Variants in DST observed in about 807,000 individuals in gnomAD.
The protein encoded by DST is dystonin.
Under a neutral mutation model 875.2 loss-of-function variants are expected in DST, and 253 were observed. The ratio of observed to expected loss-of-function variants is 0.29; its 90% confidence interval spans 0.26 to 0.32. The LOEUF is 0.32. Ranked by LOEUF, DST falls within the 10% of genes least tolerant of loss-of-function variation. The probability of loss-of-function intolerance (pLI) is 1.00; values close to 1 mark genes in which losing one functional copy is unlikely to be tolerated. For missense variants in DST, 8,287 were observed against 9,111.6 expected (o/e 0.91, Z 3.68); for synonymous variants, 3,124 against 3,197.1 (o/e 0.98, Z 0.77).
chr6:56,619,710 C>G, intron 36 of DST: 1 of 1,614,052 alleles, frequency 6.2e-7, no homozygotes, highest in Non-Finnish European at 8.5e-7. Context: ...AATTGCCTAC[C>G]AAGCTCTCTG....
intron 72 of DST, among the ~76,000 whole-genome samples, chr6:56,512,417 C>T (rs1583576011): frequency 1.3e-5 from 2 of 152,188 alleles, no homozygotes; most frequent in South Asian, 4.1e-4. Flanking sequence ...GGAAGATCTG[C>T]CTTTGCTTGC....
At chr6:56,953,878 T>C (rs775912555) in intron 1 of DST, 59 bp from the exon 2 acceptor site, 41 of 1,215,678 alleles carry the variant, frequency 3.4e-5, no homozygotes, top group Non-Finnish European at 4.4e-5. Context: ...ACCTACCGAG[T>C]GACTCATGAC....
intron 4 of DST, among the ~76,000 whole-genome samples, chr6:56,794,807 C>T (rs796772205): frequency 1.2e-4 from 18 of 152,236 alleles, no homozygotes; most frequent in African/African-American, 4.1e-4. Context: ...CCATCTTCTG[C>T]CAAATCAGCT....
In DST at chr6:56,693,518, T is replaced by C. The variant is rs75014700; in HGVS notation, c.1047+6135A>G. Reference sequence around the variant, plus strand: ...AACCTTCGGTTTTCTGAAATGCAGATACACTAATGAAGTTTGCACTTAACC... The same window carrying C: ...AACCTTCGGTTTTCTGAAATGCAGACACACTAATGAAGTTTGCACTTAACC... On this transcript the variant is annotated intron_variant, in intron 9 of 103. Coordinates refer to ENST00000680361, the MANE Select transcript of DST (RefSeq NM_001374736.1). 2,718 of 513,488 alleles carry C rather than the reference T, an allele frequency of 5.3e-3. 65 individuals carry two copies. Among genetic ancestry groups the C allele is most frequent in the African/African-American group, 0.052 (2,526 of 48,268 alleles). The allele number at this position is 513,488 out of a possible 1,614,324, so 31.8% of individuals were successfully genotyped here.
At chr6:56,613,831 T>C (rs1342188242) in intron 37 of DST, among the ~76,000 whole-genome samples, 1 of 152,194 alleles carries the variant, frequency 6.6e-6, no homozygotes, top group Non-Finnish European at 1.5e-5. Context: ...GGATAGTATC[T>C]AGAATTTCCA....
chr6:56,588,603 A>AT (rs2098210909), intron 49 of DST, among the ~76,000 whole-genome samples: 1 of 152,166 alleles, frequency 6.6e-6, no homozygotes, highest in Non-Finnish European at 1.5e-5. Context: ...GGCTCCAAAA[A>AT]TTTTTTTCAG....
Position 56,704,355 on chromosome 6 carries a change from C to T in DST, c.702G>A (p.Val234=). 1 of 1,561,622 alleles carries T rather than the reference C, an allele frequency of 6.4e-7. No individual in the cohort carries two copies. ...NQHLMKVRKH[V]NDLYEDLRDG... is the part of the protein sequence containing the mutation. ...CCCTTAAGTCTTCATAGAGATCATT[C>T]ACATGTTTTCGAACCTATAAAGAGA... The change falls in exon 6 of 104, where the codon GTG becomes GTA. Residue 234 remains valine (V), a synonymous_variant. Coordinates refer to ENST00000680361, the MANE Select transcript of DST (RefSeq NM_001374736.1).
intron 3 of DST, among the ~76,000 whole-genome samples, chr6:56,853,547 A>G (rs182136161): frequency 6.6e-6 from 1 of 151,244 alleles, no homozygotes; most frequent in Non-Finnish European, 1.5e-5. Flanking sequence ...CTGTGAGATT[A>G]TATTTCTTGT....
chr6:56,761,557 G>A (rs3002012), intron 4 of DST, among the ~76,000 whole-genome samples: 152,266 of 152,354 alleles, frequency 1, 76,089 homozygotes, highest in Middle Eastern at 1. Flanking sequence ...AACTACACAA[G>A]TTAAACAGCA....
chr6:56,909,856 C>T (rs925853790), intron 2 of DST, among the ~76,000 whole-genome samples: 4 of 152,154 alleles, frequency 2.6e-5, no homozygotes, highest in East Asian at 1.9e-4. Context: ...TGTATCCCAT[C>T]GTGCTATATG....
At position 56,767,613 on chromosome 6, in the gene DST, TCAAA is replaced by T. The variant is rs1292773170; in HGVS notation, c.626-32328_626-32325del. Among the ~76,000 whole-genome samples, 739 of 116,582 alleles carry T rather than the reference TCAAA, an allele frequency of 6.3e-3. 8 individuals carry two copies. Among genetic ancestry groups the T allele is most frequent in the African/African-American group, 0.021 (710 of 33,428 alleles). The allele number at this position is 116,582 out of a possible 152,430, so 76.5% of individuals were successfully genotyped here. A position where few individuals can be genotyped will look rare whatever the true frequency, so the allele number is the denominator to read the frequency against. ...CTGGGTGACAGAGCAAGACCCTGTC[TCAAA>T]TAAATAAATAAATAAATAAATAAAT... On this transcript the variant is annotated intron_variant, in intron 4 of 103. Transcript: ENST00000680361.
At chr6:56,938,786 A>T (rs1402489671) in intron 2 of DST, among the ~76,000 whole-genome samples, 1 of 152,176 alleles carries the variant, frequency 6.6e-6, no homozygotes, top group African/African-American at 2.4e-5. Flanking sequence ...ACCTAACCAC[A>T]TGTGAACCAG....
At chr6:56,905,231 GTGTT>G (rs1273850361) in intron 2 of DST, among the ~76,000 whole-genome samples, 5 of 152,152 alleles carry the variant, frequency 3.3e-5, no homozygotes, top group Non-Finnish European at 5.9e-5. Context: ...GTGTGTGTGT[GTGTT>G]TGTGTGGTGT....
intron 62 of DST, 60 bp downstream of exon 62, chr6:56,536,719 A>G: frequency 7.1e-7 from 1 of 1,417,036 alleles, no homozygotes; most frequent in African/African-American, 1.4e-5. Flanking sequence ...ATTCATGGTC[A>G]CCACAAATGC....
chr6:56,892,280 A>G (rs1047883410), intron 3 of DST, among the ~76,000 whole-genome samples: 8 of 143,542 alleles, frequency 5.6e-5, no homozygotes, highest in Admixed American at 2.8e-4. Flanking sequence ...TGCTTACTCC[A>G]CTTCCCGGAC....
intron 4 of DST, among the ~76,000 whole-genome samples, chr6:56,840,773 G>A (rs368788646): frequency 6.6e-6 from 1 of 152,042 alleles, no homozygotes; most frequent in East Asian, 1.9e-4. Context: ...CAAAACTCTC[G>A]ACTTCTAAAT....
intron 4 of DST, among the ~76,000 whole-genome samples, chr6:56,762,241 C>T (rs2099618947): frequency 6.6e-6 from 1 of 152,136 alleles, no homozygotes; most frequent in South Asian, 2.1e-4. Context: ...AGGCTGGTCT[C>T]GAACTCCGGA....
At chr6:56,629,133 T>G in intron 32 of DST, 117 bp downstream of exon 32, 1 of 977,510 alleles carries the variant, frequency 1.0e-6, no homozygotes, top group Non-Finnish European at 1.6e-6. Flanking sequence ...GTAGAGGTAT[T>G]GTAATTAACA....
chr6:56,798,471 C>A (rs143992079), intron 4 of DST, among the ~76,000 whole-genome samples: 163 of 152,212 alleles, frequency 1.1e-3, no homozygotes, highest in African/African-American at 3.7e-3. Context: ...CTATTTTAAG[C>A]TCACTATTGA....
Sources: gnomAD v4.1 joint callset for allele counts (sites outside exome capture counted in the v4.1 genomes callset) on GRCh38, gnomAD v4.1.1 for gene constraint, MANE v1.5 for transcripts, NCBI Gene and HGNC (gene_info 2026-07-23, HGNC 2026-07-21) for gene names.